Variants in FRMD1 observed in about 807,000 individuals in gnomAD.
FRMD1 encodes the protein FERM domain containing 1, also known as FERM domain-containing protein 1.
In FRMD1, 51 loss-of-function variants were observed where a neutral mutation model predicts 54.9. The observed-to-expected ratio is 0.93, with a 90% CI of 0.74 to 1.17. The LOEUF (loss-of-function observed/expected upper bound fraction) is 1.17, where lower values mean the gene tolerates loss of function less well. Ranked by LOEUF, FRMD1 falls within the 50% of genes most tolerant of loss-of-function variation. The pLI, the probability that FRMD1 is intolerant of heterozygous loss-of-function variation, is 0.00. For synonymous variants in FRMD1, 324 were observed against 306.4 expected (o/e 1.06, Z -0.60); for missense variants, 729 against 743.0 (o/e 0.98, Z 0.22).
chr6:168,062,059 C>A, intron 7 of FRMD1, 78 bp from the exon 8 acceptor site: 3 of 1,459,156 alleles, frequency 2.1e-6, no homozygotes, highest in South Asian at 1.3e-5. Context: ...TTTTAAATGT[C>A]AGCCATGGCC....
intron 1 of FRMD1, 146 bp downstream of exon 1, chr6:168,078,736 C>A: frequency 7.8e-7 from 1 of 1,279,220 alleles, no homozygotes; most frequent in African/African-American, 1.6e-5. Flanking sequence ...CTCCTCACCC[C>A]CATGGCTCTG....
intron 1 of FRMD1, among the ~76,000 whole-genome samples, chr6:168,090,162 G>C (rs943051181): frequency 6.6e-6 from 1 of 151,960 alleles, no homozygotes; most frequent in Admixed American, 6.6e-5. Flanking sequence ...TGGTTGGCTC[G>C]TCTCCCTCCT....
intron 1 of FRMD1, among the ~76,000 whole-genome samples, chr6:168,091,074 G>A (rs1317998659): frequency 6.6e-6 from 1 of 152,212 alleles, no homozygotes; most frequent in Non-Finnish European, 1.5e-5. Flanking sequence ...TTATGAATGT[G>A]AACCGCGAAA....
At chr6:168,087,462 C>T (rs912101957) in intron 1 of FRMD1, among the ~76,000 whole-genome samples, 1 of 152,196 alleles carries the variant, frequency 6.6e-6, no homozygotes, top group Non-Finnish European at 1.5e-5. Flanking sequence ...TCTCCCACTC[C>T]GATAACAATG....
rs920752052 is a variant in FRMD1 at position 168,056,916 on chromosome 6, G to A, written c.*181C>T. ...CAGGCATGAGGTGCGGGACCTGTTT[G>A]TTACCTCCCAGGTTGATGTCAGAGC... On this transcript the variant is annotated 3_prime_UTR_variant, in exon 11 of 11. Transcript: ENST00000283309. The A allele has an allele frequency of 1.2e-5, 8 of 661,682 alleles. No individual in the cohort carries two copies. In the African/African-American group the frequency reaches 1.3e-4, roughly 11 times the overall value. The allele number at this position is 661,682 out of a possible 1,614,324, so 41.0% of individuals were successfully genotyped here.
At chr6:168,084,490 T>A (rs1800885955), upstream of FRMD1, among the ~76,000 whole-genome samples, 1 of 152,202 alleles carries the variant, frequency 6.6e-6, no homozygotes, top group Non-Finnish European at 1.5e-5. Flanking sequence ...AGAAGGGGGC[T>A]GGACGGCAGG....
At chr6:168,082,395 C>T (rs536469029), upstream of FRMD1, among the ~76,000 whole-genome samples, 223 of 152,304 alleles carry the variant, frequency 1.5e-3, no homozygotes, top group African/African-American at 5.0e-3. Flanking sequence ...TTCGGCCACC[C>T]GACCCCTCCT....
chr6:168,062,071 C>T, intron 7 of FRMD1, 90 bp from the exon 8 acceptor site: 2 of 1,408,354 alleles, frequency 1.4e-6, no homozygotes, highest in Non-Finnish European at 1.9e-6. Flanking sequence ...GCCATGGCCC[C>T]CAGGGGGACG....
At chr6:168,073,280 C>T (rs1209498596) in intron 2 of FRMD1, among the ~76,000 whole-genome samples, 2 of 151,600 alleles carry the variant, frequency 1.3e-5, no homozygotes, top group African/African-American at 4.8e-5. Context: ...CAAAGGGAGG[C>T]GCCCTCCAGC....
In FRMD1 at chr6:168,057,228, A is replaced by C. The variant is rs1799455408; in HGVS notation, c.1519T>G (p.Phe507Val). ...HPAPTSLSHT[F>V]HRALDCRLAG... ...AGCCTGCAGTCCAGGGCGCGGTGGA[A>C]GGTATGGCTGAGTGAGGTGGGCGCT... is the stretch of plus-strand genomic sequence containing the variant. Residue 507 changes from phenylalanine to valine, a missense_variant, in exon 11 of 11, where the codon TTC (phenylalanine) becomes GTC (valine). Transcript: ENST00000283309. 1.9e-6 allele frequency: 3 copies of C among 1,609,864 alleles called. No homozygotes were observed. The highest frequency in any genetic ancestry group is 2.5e-6 in the Non-Finnish European group (3 of 1,178,410).
chr6:168,053,204 T>C lies in FRMD1; in HGVS notation c.*3893A>G, dbSNP rs1277514768. 1.3e-5 allele frequency: 2 copies of C among 152,118 alleles called. No individual in the cohort carries two copies. The highest frequency in any genetic ancestry group is 2.9e-5 in the Non-Finnish European group (2 of 68,030). 9.4% of individuals were successfully genotyped at this position (152,118 alleles called of 1,614,324 possible). A position where few individuals can be genotyped will look rare whatever the true frequency, so the allele number is the denominator to read the frequency against. ...CACGCGCCTTTGTAGAATACCAGCT[T>C]TCTCCCGGCAGGGCTGCCCCGGATT... On this transcript the variant is annotated 3_prime_UTR_variant, in exon 11 of 11. Transcript: ENST00000283309.
intron 7 of FRMD1, chr6:168,062,614 G>T: frequency 1.3e-6 from 2 of 1,487,472 alleles, no homozygotes; most frequent in Non-Finnish European, 1.8e-6. Context: ...AATGCCCCGA[G>T]GATGAAGCTG....
chr6:168,081,423 C>T (rs73790723), upstream of FRMD1: 192 of 1,535,568 alleles, frequency 1.3e-4, no homozygotes, highest in African/African-American at 2.1e-3. Context: ...CAGGGCCGGG[C>T]AGTGGACGGG....
chr6:168,074,214 G>C (rs1412417995), intron 2 of FRMD1, among the ~76,000 whole-genome samples: 2 of 152,096 alleles, frequency 1.3e-5, no homozygotes, highest in Non-Finnish European at 2.9e-5. Context: ...TGGAGCCCAG[G>C]GGACCGGCCC....
In FRMD1 at chr6:168,066,132, C is replaced by T. The variant is rs147156819; in HGVS notation, c.461+623G>A. 2.6e-5 allele frequency: 26 copies of T among 989,038 alleles called. No individual in the cohort carries two copies. In the East Asian group the frequency reaches 1.2e-3, roughly 47 times the overall value. 61.3% of individuals were successfully genotyped at this position (989,038 alleles called of 1,614,324 possible). A position where few individuals can be genotyped will look rare whatever the true frequency, so the allele number is the denominator to read the frequency against. Reference sequence around the variant, plus strand: ...GCAAGCATAGCAGCCCTTAGCCCAGCGACCTCCAGAAGCCTCGCCCACCCC... The same window carrying T: ...GCAAGCATAGCAGCCCTTAGCCCAGTGACCTCCAGAAGCCTCGCCCACCCC... On this transcript the variant is annotated intron_variant, in intron 4 of 10. Transcript: ENST00000283309.
intron 1 of FRMD1, among the ~76,000 whole-genome samples, chr6:168,076,478 G>A (rs997634393): frequency 5.9e-5 from 9 of 152,102 alleles, no homozygotes; most frequent in African/African-American, 2.2e-4. Context: ...ACTGAATCAC[G>A]GGGGTGGTTC....
chr6:168,080,097 A>C (rs1583209719), upstream of FRMD1, among the ~76,000 whole-genome samples: 2 of 151,800 alleles, frequency 1.3e-5, no homozygotes. Context: ...AGGGGTCTGG[A>C]CCTCCGGACG....
At chr6:168,071,049 GC>G (rs1800284509) in intron 2 of FRMD1, among the ~76,000 whole-genome samples, 1 of 152,158 alleles carries the variant, frequency 6.6e-6, no homozygotes, top group African/African-American at 2.4e-5. Flanking sequence ...TCCCCACTGT[GC>G]CCTGCTACCC....
intron 1 of FRMD1, chr6:168,075,827 G>T: frequency 6.5e-7 from 1 of 1,544,006 alleles, no homozygotes. Flanking sequence ...CCAGCGTCTG[G>T]TGCGTGTCCC....
Sources: allele counts gnomAD v4.1 joint callset (sites outside exome capture counted in the v4.1 genomes callset), GRCh38; gene constraint gnomAD v4.1.1; transcripts MANE v1.5; gene names NCBI Gene and HGNC (gene_info 2026-07-23, HGNC 2026-07-21).